Variants in RPS6KC1 observed in about 807,000 individuals in gnomAD.
RPS6KC1 encodes inactive ribosomal protein S6 kinase delta-1.
A neutral mutation model predicts 103.8 loss-of-function variants in RPS6KC1; 54 were observed. The ratio of observed to expected loss-of-function variants is 0.52; its 90% CI spans 0.42 to 0.65. The LOEUF (loss-of-function observed/expected upper bound fraction) is 0.65, where lower values mean the gene tolerates loss of function less well. RPS6KC1 is among the 30% of genes least tolerant of loss of function. The pLI is 0.00. For synonymous variants in RPS6KC1, 439 were observed against 438.7 expected, an observed-to-expected ratio of 1.00 and a Z score of -0.01; for missense variants, 1,151 against 1,253.8, an observed-to-expected ratio of 0.92 and a Z score of 1.24.
chr1:213,176,568 A>G, intron 8 of RPS6KC1, 76 bp downstream of exon 8: 1 of 955,976 alleles, frequency 1.0e-6, no homozygotes, highest in Non-Finnish European at 1.6e-6. Flanking sequence ...GAAGCTTTGG[A>G]TCTTAAGGAT....
the RPS6KC1 span, among the ~76,000 whole-genome samples, chr1:213,718,855 G>A: frequency 2.6e-5 from 4 of 152,234 alleles, no homozygotes; most frequent in Admixed American, 6.5e-5. Flanking sequence ...TGGGACCTGA[G>A]ATTCTGCTCC....
chr1:213,738,037 T>C, the RPS6KC1 span, among the ~76,000 whole-genome samples: 149 of 152,318 alleles, frequency 9.8e-4, 1 homozygote, highest in South Asian at 2.1e-3. Context: ...CAAGGTTACT[T>C]GGTAGAAGAG....
chr1:213,628,699 T>C, the RPS6KC1 span, among the ~76,000 whole-genome samples: 1 of 152,324 alleles, frequency 6.6e-6, no homozygotes, highest in African/African-American at 2.4e-5. Context: ...AGATCTTTCC[T>C]GCTTTCTCTT....
the RPS6KC1 span, among the ~76,000 whole-genome samples, chr1:213,537,480 C>T: frequency 6.6e-6 from 1 of 152,094 alleles, no homozygotes; most frequent in Non-Finnish European, 1.5e-5. Flanking sequence ...GCAAACAAAC[C>T]TGGGATAATA....
intron 1 of RPS6KC1, among the ~76,000 whole-genome samples, chr1:213,051,740 G>GT (rs1460916252): frequency 6.6e-6 from 1 of 152,156 alleles, no homozygotes; most frequent in African/African-American, 2.4e-5. Context: ...CTTTCTGGGG[G>GT]TGGGGCAGTC....
At chr1:213,583,872 A>G in the RPS6KC1 span, among the ~76,000 whole-genome samples, 1 of 151,696 alleles carries the variant, frequency 6.6e-6, no homozygotes, top group Non-Finnish European at 1.5e-5. Context: ...AAAGAAAAAC[A>G]CAGATTCCAG....
chr1:213,205,189 G>A (rs2093301523), intron 8 of RPS6KC1: 1 of 930,882 alleles, frequency 1.1e-6, no homozygotes, highest in Admixed American at 6.2e-5. Flanking sequence ...AAAGAAAGTT[G>A]CTATCACAAT....
chr1:213,093,145 C>T (rs926144558), intron 3 of RPS6KC1, among the ~76,000 whole-genome samples: 2 of 151,300 alleles, frequency 1.3e-5, no homozygotes, highest in African/African-American at 2.4e-5. Flanking sequence ...TGTTTGATAA[C>T]TGTAATGAAC....
intron 12 of RPS6KC1, among the ~76,000 whole-genome samples, chr1:213,254,872 C>T (rs1478863267): frequency 1.3e-5 from 2 of 151,968 alleles, no homozygotes; most frequent in East Asian, 3.9e-4. Flanking sequence ...TACTGTTTTA[C>T]CAAGCCTAGA....
the RPS6KC1 span, among the ~76,000 whole-genome samples, chr1:213,634,612 C>G: frequency 6.6e-6 from 1 of 151,910 alleles, no homozygotes; most frequent in Non-Finnish European, 1.5e-5. Flanking sequence ...CTCTAAATGC[C>G]CATAAGAGAA....
the RPS6KC1 span, among the ~76,000 whole-genome samples, chr1:213,481,022 C>T: frequency 6.6e-6 from 1 of 152,104 alleles, no homozygotes; most frequent in African/African-American, 2.4e-5. Context: ...ATTCAACTTG[C>T]TGAATTTTAC....
At chr1:213,332,430 T>C in the RPS6KC1 span, among the ~76,000 whole-genome samples, 2 of 152,364 alleles carry the variant, frequency 1.3e-5, no homozygotes, top group South Asian at 4.1e-4. Context: ...GAGGGCATGC[T>C]TGTCTGTATA....
intron 8 of RPS6KC1, among the ~76,000 whole-genome samples, chr1:213,228,483 G>A (rs1055060575): frequency 3.9e-5 from 6 of 152,062 alleles, no homozygotes; most frequent in Non-Finnish European, 7.4e-5. Flanking sequence ...CACTTTGAGA[G>A]GCCAAGGCAG....
At chr1:213,328,539 T>TATATATATCA in the RPS6KC1 span, among the ~76,000 whole-genome samples, 1 of 130,756 alleles carries the variant, frequency 7.6e-6, no homozygotes, top group African/African-American at 2.9e-5. Flanking sequence ...TATATATATA[T>TATATATATCA]ATCACACACA....
At chr1:213,315,501 C>G in the RPS6KC1 span, among the ~76,000 whole-genome samples, 1 of 152,338 alleles carries the variant, frequency 6.6e-6, no homozygotes, top group South Asian at 2.1e-4. Flanking sequence ...GGCTATTTCA[C>G]AAGAAGCATT....
the RPS6KC1 span, among the ~76,000 whole-genome samples, chr1:213,420,540 C>A: frequency 6.6e-6 from 1 of 152,136 alleles, no homozygotes; most frequent in Non-Finnish European, 1.5e-5. Flanking sequence ...GGAGACCTAT[C>A]CTGGTGGAGG....
chr1:213,703,174 CAACTT>C, the RPS6KC1 span, among the ~76,000 whole-genome samples: 2 of 152,140 alleles, frequency 1.3e-5, no homozygotes, highest in African/African-American at 4.8e-5. Context: ...AAGCTAATAA[CAACTT>C]AACACTGTTT....
the RPS6KC1 span, among the ~76,000 whole-genome samples, chr1:213,468,538 G>T: frequency 6.6e-6 from 1 of 152,238 alleles, no homozygotes; most frequent in East Asian, 1.9e-4. Context: ...AGTTTCTATA[G>T]GTTTCCTGAA....
intron 1 of RPS6KC1, among the ~76,000 whole-genome samples, chr1:213,062,580 C>T (rs568726519): frequency 1.1e-4 from 17 of 149,190 alleles, no homozygotes; most frequent in African/African-American, 4.2e-4. Flanking sequence ...TTTTTTGGGG[C>T]GGAGTCTCGC....
Sources: gnomAD v4.1 joint callset for allele counts (sites outside exome capture counted in the v4.1 genomes callset) on GRCh38, gnomAD v4.1.1 for gene constraint, MANE v1.5 for transcripts, NCBI Gene and HGNC (gene_info 2026-07-23, HGNC 2026-07-21) for gene names.